The following CEP112 variants were observed in gnomAD, a reference collection of about 807,000 sequenced individuals.
The protein encoded by CEP112 is centrosomal protein 112, also known as centrosomal protein of 112 kDa.
CEP112 carries 127 observed loss-of-function variants against 153.0 expected under a neutral mutation model. That is an observed-to-expected ratio of 0.83 (90% CI 0.72 to 0.96). The LOEUF (loss-of-function observed/expected upper bound fraction) is 0.96, where lower values mean the gene tolerates loss of function less well. Among genes scored for constraint, CEP112 ranks in the 40% least tolerant of loss-of-function variants. The pLI, the probability that CEP112 is intolerant of heterozygous loss-of-function variation, is 0.00. For synonymous variants in CEP112, 358 were observed against 374.4 expected (o/e 0.96, Z 0.51); for missense variants, 1,089 against 1,101.2 (o/e 0.99, Z 0.16).
intron 21 of CEP112, among the ~76,000 whole-genome samples, chr17:65,775,707 T>C (rs2053638766): frequency 6.6e-6 from 1 of 152,114 alleles, no homozygotes; most frequent in African/African-American, 2.4e-5. Context: ...TTCACCATGT[T>C]GACTAGGCTT....
chr17:65,996,129 C>T (rs1038339287), intron 17 of CEP112, among the ~76,000 whole-genome samples: 23 of 145,686 alleles, frequency 1.6e-4, no homozygotes, highest in African/African-American at 5.1e-4. Context: ...GAAAAATATA[C>T]GTGTGTGTGT....
chr17:65,707,050 T>C (rs2048953709), intron 23 of CEP112, among the ~76,000 whole-genome samples: 1 of 152,198 alleles, frequency 6.6e-6, no homozygotes, highest in Admixed American at 6.5e-5. Context: ...TCTCTTTTAA[T>C]TTGGTCCACT....
chr17:65,946,387 CA>C (rs1568273918), intron 18 of CEP112, among the ~76,000 whole-genome samples: 2 of 152,096 alleles, frequency 1.3e-5, no homozygotes, highest in African/African-American at 2.4e-5. Flanking sequence ...TTTTTCCCCC[CA>C]TATGACTATC....
intron 20 of CEP112, among the ~76,000 whole-genome samples, chr17:65,864,937 T>C (rs1311034306): frequency 9.2e-6 from 1 of 108,534 alleles, no homozygotes; most frequent in African/African-American, 4.4e-5. Flanking sequence ...TGTGTGTGTG[T>C]GTGTGTGTGT....
intron 21 of CEP112, among the ~76,000 whole-genome samples, chr17:65,830,625 C>T (rs2057035661): frequency 6.6e-6 from 1 of 152,204 alleles, no homozygotes; most frequent in African/African-American, 2.4e-5. Flanking sequence ...CTGCTTGCTG[C>T]TCTATTGCAG....
chr17:65,897,844 A>G (rs960237202), intron 20 of CEP112, among the ~76,000 whole-genome samples: 2 of 152,058 alleles, frequency 1.3e-5, no homozygotes, highest in Non-Finnish European at 2.9e-5. Context: ...AATATCATCA[A>G]TTATATTGGT....
chr17:65,694,834 T>TCA (rs2048282314), intron 23 of CEP112, among the ~76,000 whole-genome samples: 1 of 152,158 alleles, frequency 6.6e-6, no homozygotes. Flanking sequence ...ATTTGACATT[T>TCA]CACACACACA....
rs187031529 is a variant in CEP112, at chr17:65,923,324, A to C, written c.1980+4258T>G. Among the ~76,000 whole-genome samples the C allele has an allele frequency of 7.2e-5, 11 of 152,256 alleles. No homozygotes were observed. In the East Asian group the frequency reaches 1.9e-3, roughly 27 times the overall value. On this transcript the variant is annotated intron_variant, in intron 19 of 26. Coordinates refer to ENST00000535342, the MANE Select transcript of CEP112 (RefSeq NM_001199165.4). ...TTGGTCATTTTTTACATTGCATATA[A>C]ATTGTCTGAATTTATTTTCTATTTC...
intron 21 of CEP112, among the ~76,000 whole-genome samples, chr17:65,821,513 ATTATATATATATATATATATAT>A (rs2056548931): frequency 1.2e-5 from 1 of 84,684 alleles, no homozygotes; most frequent in African/African-American, 4.5e-5. Context: ...TATATATATA[ATTATATATATATATATATATAT>A]ATATATTTTT....
chr17:66,041,513 G>A (rs1307929703), intron 12 of CEP112, among the ~76,000 whole-genome samples: 1 of 152,104 alleles, frequency 6.6e-6, no homozygotes, highest in East Asian at 1.9e-4. Flanking sequence ...ACACAGGCTA[G>A]TATATACTGT....
At position 66,191,851 on chromosome 17, in the gene CEP112, A is replaced by C. The variant is rs1011084110; in HGVS notation, c.-9+146T>G. The C allele has an allele frequency of 6.6e-6, 1 of 151,948 alleles. No individual in the cohort carries two copies. The highest frequency in any genetic ancestry group is 2.4e-5 in the African/African-American group (1 of 41,294). The allele number at this position is 151,948 out of a possible 1,614,324, so 9.4% of individuals were successfully genotyped here. The stretch of plus-strand genomic sequence containing the variant: ...GGGACCCCAGGGGCGCGCGCCCCCC[A>C]GGCCCGGAGAACGGGCCCAGGGCCT... On this transcript the variant is annotated intron_variant, in intron 1 of 26. Transcript: ENST00000535342. The surrounding 1 kb of genome is among the most constrained non-coding windows in gnomAD (Gnocchi z 4.2).
At chr17:66,115,699 T>C (rs186494563) in intron 6 of CEP112, among the ~76,000 whole-genome samples, 1 of 152,304 alleles carries the variant, frequency 6.6e-6, no homozygotes, top group East Asian at 1.9e-4. Flanking sequence ...TTACACATTG[T>C]TACAGTTCTT....
At chr17:65,827,008 G>A (rs1432339987) in intron 21 of CEP112, among the ~76,000 whole-genome samples, 2 of 152,220 alleles carry the variant, frequency 1.3e-5, no homozygotes, top group East Asian at 3.9e-4. Context: ...GGCAGAAGAA[G>A]GTGGAAAGAG....
chr17:66,129,970 G>A, intron 5 of CEP112, 147 bp from the exon 6 acceptor site: 1 of 516,562 alleles, frequency 1.9e-6, no homozygotes, highest in Non-Finnish European at 3.5e-6. Context: ...AAGGAAGAAA[G>A]GAAGGGATGA....
intron 24 of CEP112, among the ~76,000 whole-genome samples, chr17:65,669,840 T>C (rs1161562913): frequency 2.0e-5 from 3 of 150,282 alleles, no homozygotes; most frequent in Non-Finnish European, 4.4e-5. Flanking sequence ...GAGGCGGAGG[T>C]TGCGGTGAGC....
At chr17:66,165,194 A>G (rs1242816243) in intron 4 of CEP112, among the ~76,000 whole-genome samples, 2 of 150,506 alleles carry the variant, frequency 1.3e-5, no homozygotes, top group East Asian at 4.0e-4. Flanking sequence ...AGGTTTTGCA[A>G]TGGCCAAGCA....
At chr17:65,852,076 G>C (rs1365523796) in intron 20 of CEP112, 42 bp from the exon 21 acceptor site, 1 of 1,399,932 alleles carries the variant, frequency 7.1e-7, no homozygotes, top group Non-Finnish European at 9.8e-7. Flanking sequence ...GATATCAATA[G>C]GGAAGTCACA....
intron 17 of CEP112, among the ~76,000 whole-genome samples, chr17:65,971,597 A>G (rs1000169223): frequency 9.2e-5 from 5 of 54,172 alleles, no homozygotes; most frequent in Non-Finnish European, 1.7e-4. Flanking sequence ...ACATGCATGC[A>G]TATTGTGTGC....
intron 4 of CEP112, among the ~76,000 whole-genome samples, chr17:66,158,801 C>A (rs552533694): frequency 6.6e-6 from 1 of 151,990 alleles, no homozygotes; most frequent in African/African-American, 2.4e-5. Context: ...ACTAGAGAAG[C>A]AAGAGCAAAC....
Sources: gnomAD v4.1 joint callset for allele counts (sites outside exome capture counted in the v4.1 genomes callset) on GRCh38, gnomAD v4.1.1 for gene constraint, Gnocchi (gnomAD v3.1) non-coding constraint, MANE v1.5 for transcripts, NCBI Gene and HGNC (gene_info 2026-07-23, HGNC 2026-07-21) for gene names.